The following DGKI variants were observed in gnomAD, a reference collection of about 807,000 sequenced individuals.
The protein encoded by DGKI is DAG kinase iota.
Under a neutral mutation model 147.5 loss-of-function variants are expected in DGKI, and 55 were observed. That is an observed-to-expected ratio of 0.37 (90% confidence interval 0.30 to 0.47). DGKI has a LOEUF of 0.47. Ranked by LOEUF, DGKI falls within the 20% of genes least tolerant of loss-of-function variation. The pLI is 1.00. For missense variants in DGKI, 1,007 were observed against 1,323.8 expected, an observed-to-expected ratio of 0.76 and a Z score of 3.71; for synonymous variants, 469 against 477.1, an observed-to-expected ratio of 0.98 and a Z score of 0.22.
At chr7:137,736,245 C>T (rs1795018568) in intron 1 of DGKI, among the ~76,000 whole-genome samples, 1 of 152,054 alleles carries the variant, frequency 6.6e-6, no homozygotes, top group Non-Finnish European at 1.5e-5. Context: ...ATTATGAATG[C>T]TGGAAACATC....
chr7:137,792,180 G>A (rs932812326), intron 1 of DGKI, among the ~76,000 whole-genome samples: 6 of 152,110 alleles, frequency 3.9e-5, no homozygotes, highest in African/African-American at 1.2e-4. Flanking sequence ...AGAATCACAA[G>A]CATAGAGATG....
chr7:137,560,933 A>G (rs1407596240), intron 19 of DGKI, among the ~76,000 whole-genome samples: 4 of 152,212 alleles, frequency 2.6e-5, no homozygotes, highest in Non-Finnish European at 4.4e-5. Context: ...ATTTGTTCTC[A>G]GCAGCAATAA....
intron 5 of DGKI, among the ~76,000 whole-genome samples, chr7:137,649,586 A>G (rs1821950661): frequency 6.6e-6 from 1 of 152,034 alleles, no homozygotes. Flanking sequence ...TACACAATAC[A>G]ATTGCTTGGC....
rs1391381863 is a variant in DGKI, at chr7:137,581,835, G to T, written c.1642+15C>A. The T allele has an allele frequency of 1.9e-6, 3 of 1,606,742 alleles. No individual in the cohort carries two copies. The highest frequency in any genetic ancestry group is 2.7e-5 in the African/African-American group (2 of 74,732). Reference sequence around the variant, plus strand: ...ACTTCCTCCCTGGGAGATGGAAATGGGACGTTGTCCTCACCTCTGGATTCA... The same window carrying T: ...ACTTCCTCCCTGGGAGATGGAAATGTGACGTTGTCCTCACCTCTGGATTCA... On this transcript the variant is annotated intron_variant, in intron 15 of 32. Transcript: ENST00000614521.
intron 1 of DGKI, among the ~76,000 whole-genome samples, chr7:137,698,582 C>T (rs1834143): frequency 6.6e-6 from 1 of 151,810 alleles, no homozygotes; most frequent in Non-Finnish European, 1.5e-5. Context: ...GACAATACCT[C>T]GGAAGGGGCT....
intron 6 of DGKI, among the ~76,000 whole-genome samples, 180 bp downstream of exon 6, chr7:137,645,292 C>T (rs577679499): frequency 1.1e-4 from 17 of 152,300 alleles, no homozygotes; most frequent in African/African-American, 3.6e-4. Flanking sequence ...AACACCATTG[C>T]CTCATGCAGT....
At chr7:137,615,977 T>C (rs1407678560) in intron 8 of DGKI, among the ~76,000 whole-genome samples, 1 of 152,158 alleles carries the variant, frequency 6.6e-6, no homozygotes, top group East Asian at 1.9e-4. Context: ...AAGCTCACCA[T>C]ACCTCAGCTT....
chr7:137,735,804 C>G (rs1038083303), intron 1 of DGKI, among the ~76,000 whole-genome samples: 2 of 152,044 alleles, frequency 1.3e-5, no homozygotes, highest in Non-Finnish European at 2.9e-5. Flanking sequence ...CAGACCCTAC[C>G]AAGACCCAGC....
At chr7:137,689,674 G>A (rs1791034313) in intron 2 of DGKI, among the ~76,000 whole-genome samples, 1 of 152,190 alleles carries the variant, frequency 6.6e-6, no homozygotes, top group East Asian at 1.9e-4. Flanking sequence ...AAATGATTCA[G>A]GAAGCTTTTA....
chr7:137,836,833 C>A (rs117476611), intron 1 of DGKI, among the ~76,000 whole-genome samples: 1 of 152,318 alleles, frequency 6.6e-6, no homozygotes, highest in East Asian at 1.9e-4. Context: ...AAAGAATGTT[C>A]ATCCACTCAG....
chr7:137,621,463 G>A (rs147881234), intron 7 of DGKI, among the ~76,000 whole-genome samples: 2 of 152,070 alleles, frequency 1.3e-5, no homozygotes, highest in African/African-American at 4.8e-5. Flanking sequence ...TGGAAATCCA[G>A]GTCCCAAACC....
At chr7:137,638,929 T>C (rs900180609) in intron 6 of DGKI, among the ~76,000 whole-genome samples, 1 of 152,078 alleles carries the variant, frequency 6.6e-6, no homozygotes, top group Non-Finnish European at 1.5e-5. Context: ...ATTGATTTGC[T>C]TTTCATGAGG....
chr7:137,506,752 T>C (rs1032535216), intron 21 of DGKI, among the ~76,000 whole-genome samples: 1 of 152,200 alleles, frequency 6.6e-6, no homozygotes, highest in Admixed American at 6.6e-5. Context: ...TTCTACTTAC[T>C]TTTTCTGTAA....
chr7:137,525,340 T>C (rs1817106476), intron 20 of DGKI, among the ~76,000 whole-genome samples: 1 of 152,146 alleles, frequency 6.6e-6, no homozygotes, highest in Non-Finnish European at 1.5e-5. Context: ...TTAAACCTAG[T>C]CTTCTGGGCG....
chr7:137,612,501 C>T (rs1820399034), intron 8 of DGKI, among the ~76,000 whole-genome samples: 1 of 151,986 alleles, frequency 6.6e-6, no homozygotes, highest in Admixed American at 6.6e-5. Context: ...ATACATATCT[C>T]TATTTTGTAT....
At chr7:137,736,044 C>T (rs1036957895) in intron 1 of DGKI, among the ~76,000 whole-genome samples, 2 of 152,064 alleles carry the variant, frequency 1.3e-5, no homozygotes, top group Non-Finnish European at 2.9e-5. Flanking sequence ...ACAGATCACA[C>T]ATGTTGTGTA....
At chr7:137,696,009 G>A (rs892540381) in intron 1 of DGKI, among the ~76,000 whole-genome samples, 9 of 152,272 alleles carry the variant, frequency 5.9e-5, no homozygotes, top group Non-Finnish European at 1.2e-4. Flanking sequence ...AAGCACAATC[G>A]ATAGTTGCTG....
At chr7:137,721,244 C>T (rs1794547660) in intron 1 of DGKI, among the ~76,000 whole-genome samples, 1 of 152,228 alleles carries the variant, frequency 6.6e-6, no homozygotes, top group Non-Finnish European at 1.5e-5. Flanking sequence ...AATCCTACTA[C>T]AAACAATCCT....
chr7:137,397,858 C>A (rs529859924), intron 30 of DGKI, among the ~76,000 whole-genome samples: 1 of 152,186 alleles, frequency 6.6e-6, no homozygotes, highest in Non-Finnish European at 1.5e-5. Context: ...GGGTACAATT[C>A]CAGTTTTTAT....
Sources: gnomAD v4.1 joint callset for allele counts (sites outside exome capture counted in the v4.1 genomes callset) on GRCh38, gnomAD v4.1.1 for gene constraint, MANE v1.5 for transcripts, NCBI Gene and HGNC (gene_info 2026-07-23, HGNC 2026-07-21) for gene names.